PTPRT: variants seen among roughly 807,000 people sequenced by gnomAD.
PTPRT encodes receptor-type tyrosine-protein phosphatase T.
PTPRT carries 56 observed loss-of-function variants against 176.8 expected under a neutral mutation model. That is an observed-to-expected ratio of 0.32 (90% CI 0.26 to 0.40). PTPRT has a LOEUF of 0.40. PTPRT is among the 10% of genes least tolerant of loss of function. The pLI, the probability that PTPRT is intolerant of heterozygous loss-of-function variation, is 1.00. For missense variants in PTPRT, 1,540 were observed against 1,908.2 expected (o/e 0.81, Z 3.60); for synonymous variants, 783 against 739.0 (o/e 1.06, Z -0.96).
chr20:43,074,724 G>A (rs954192806), intron 1 of PTPRT, among the ~76,000 whole-genome samples: 2 of 152,192 alleles, frequency 1.3e-5, no homozygotes, highest in South Asian at 2.1e-4. Context: ...AAAAGAGAGA[G>A]TTGAACTAGA....
At chr20:42,729,084 A>T (rs1420627340) in intron 6 of PTPRT, among the ~76,000 whole-genome samples, 1 of 152,054 alleles carries the variant, frequency 6.6e-6, no homozygotes, top group Non-Finnish European at 1.5e-5. Context: ...AAAAAAAAGG[A>T]GCAAAACAAC....
the PTPRT span, among the ~76,000 whole-genome samples, chr20:42,043,086 C>A: frequency 2.6e-5 from 4 of 152,236 alleles, no homozygotes; most frequent in Non-Finnish European, 5.9e-5. Context: ...CCTGTTTGGC[C>A]AAATCCAGGC....
In PTPRT at chr20:42,077,787, G is replaced by C. The variant is rs1393002730; in HGVS notation, c.*3092C>G. On this transcript the variant is annotated 3_prime_UTR_variant, in exon 31 of 31. Transcript: ENST00000373187. ...CTGGGGGAAATCATCACTGGCCCTT[G>C]CTGGGTTACCCCAACATGGCCTGAG... The C allele has an allele frequency of 1.0e-5, 2 of 200,140 alleles. No individual in the cohort carries two copies. The highest frequency in any genetic ancestry group is 2.1e-5 in the Non-Finnish European group (2 of 97,268). The allele number at this position is 200,140 out of a possible 1,614,324, so 12.4% of individuals were successfully genotyped here. A position where few individuals can be genotyped will look rare whatever the true frequency, so the allele number is the denominator to read the frequency against.
chr20:42,646,470 C>T (rs1213310055), intron 7 of PTPRT, among the ~76,000 whole-genome samples: 1 of 152,078 alleles, frequency 6.6e-6, no homozygotes, highest in Non-Finnish European at 1.5e-5. Flanking sequence ...TTTACTCTGG[C>T]CCTTGATGGA....
At chr20:42,273,324 T>C (rs1292326348) in intron 13 of PTPRT, among the ~76,000 whole-genome samples, 1 of 152,206 alleles carries the variant, frequency 6.6e-6, no homozygotes, top group Non-Finnish European at 1.5e-5. Flanking sequence ...CAAGCGATTC[T>C]CCTGCCTCAA....
chr20:42,800,970 G>A (rs1342315366), intron 2 of PTPRT, among the ~76,000 whole-genome samples: 1 of 152,258 alleles, frequency 6.6e-6, no homozygotes, highest in East Asian at 1.9e-4. Flanking sequence ...TACCCAGTGA[G>A]TGGCAAGGTC....
chr20:42,724,387 G>C (rs1346192395), intron 6 of PTPRT, among the ~76,000 whole-genome samples: 2 of 152,152 alleles, frequency 1.3e-5, no homozygotes, highest in Admixed American at 6.5e-5. Flanking sequence ...GGTGGTCAGT[G>C]GGGCTCAGCC....
chr20:42,070,103 C>T (rs933953553), downstream of PTPRT, among the ~76,000 whole-genome samples: 37 of 152,114 alleles, frequency 2.4e-4, no homozygotes, highest in African/African-American at 8.7e-4. Flanking sequence ...TCACCAGCTG[C>T]TTCTGCTTCT....
At chr20:42,429,563 T>C (rs907749789) in intron 9 of PTPRT, among the ~76,000 whole-genome samples, 5 of 152,058 alleles carry the variant, frequency 3.3e-5, no homozygotes, top group South Asian at 2.1e-4. Flanking sequence ...CACAGTGATG[T>C]CTGAGACTCA....
chr20:42,124,256 C>A (rs1394176629), intron 19 of PTPRT, among the ~76,000 whole-genome samples: 2 of 152,228 alleles, frequency 1.3e-5, no homozygotes, highest in Non-Finnish European at 1.5e-5. Flanking sequence ...TAAGTCCCAC[C>A]TACACAGCAC....
intron 1 of PTPRT, among the ~76,000 whole-genome samples, chr20:43,179,146 GCAGGAT>G (rs2015188667): frequency 6.6e-6 from 1 of 152,150 alleles, no homozygotes. Flanking sequence ...TTCCTTCACT[GCAGGAT>G]CTCCTGGGGC....
intron 2 of PTPRT, among the ~76,000 whole-genome samples, chr20:42,851,684 T>G (rs577747759): frequency 6.6e-6 from 1 of 152,366 alleles, no homozygotes; most frequent in East Asian, 1.9e-4. Context: ...ACTTTTGGCT[T>G]TGCAACCATA....
Position 42,098,479 on chromosome 20 carries a change from A to C in PTPRT, c.3788T>G (p.Leu1263Arg). ...AGAGGAGCAGTTGTAATCGAACACC[A>C]GCCTCCAGAAGTCTGCCACGGTGTT... is the stretch of plus-strand genomic sequence containing the variant. ...LPNTVADFWR[L>R]VFDYNCSSVV... Residue 1263 changes from leucine to arginine, a missense_variant, in exon 27 of 31, where the codon CTG (leucine) becomes CGG (arginine). Transcript: ENST00000373187. The C allele has an allele frequency of 6.2e-7, 1 of 1,614,160 alleles. No homozygotes were observed. The highest frequency in any genetic ancestry group is 8.5e-7 in the Non-Finnish European group (1 of 1,180,020).
At chr20:42,784,906 T>C (rs1007681792) in intron 3 of PTPRT, among the ~76,000 whole-genome samples, 2 of 152,226 alleles carry the variant, frequency 1.3e-5, no homozygotes, top group African/African-American at 4.8e-5. Context: ...AGCTGTGATC[T>C]GAAGTACACG....
the PTPRT span, among the ~76,000 whole-genome samples, chr20:42,067,671 CAT>C: frequency 6.6e-6 from 1 of 152,300 alleles, no homozygotes; most frequent in South Asian, 2.1e-4. Flanking sequence ...TATCTTGACA[CAT>C]AGGATGAGCT....
chr20:42,861,203 T>C (rs554700932), intron 2 of PTPRT, among the ~76,000 whole-genome samples: 1 of 152,310 alleles, frequency 6.6e-6, no homozygotes, highest in African/African-American at 2.4e-5. Context: ...TTCCTACCAT[T>C]GCCCTTCAGA....
the PTPRT span, among the ~76,000 whole-genome samples, chr20:42,049,078 C>A: frequency 1.3e-5 from 2 of 152,172 alleles, no homozygotes; most frequent in African/African-American, 4.8e-5. Context: ...CATCAGCCTC[C>A]CAAAGTGCTG....
intron 6 of PTPRT, among the ~76,000 whole-genome samples, chr20:42,709,957 G>A (rs2076120001): frequency 2.0e-5 from 3 of 152,210 alleles, no homozygotes; most frequent in African/African-American, 7.2e-5. Context: ...AGAATCTGTG[G>A]AAGGTTGAAC....
intron 7 of PTPRT, among the ~76,000 whole-genome samples, chr20:42,515,546 T>C (rs941043291): frequency 6.6e-6 from 1 of 152,210 alleles, no homozygotes; most frequent in African/African-American, 2.4e-5. Context: ...TTTGCTATTA[T>C]ACTTATTATC....
Sources: gnomAD v4.1 joint callset for allele counts (sites outside exome capture counted in the v4.1 genomes callset) on GRCh38, gnomAD v4.1.1 for gene constraint, MANE v1.5 for transcripts, NCBI Gene and HGNC (gene_info 2026-07-23, HGNC 2026-07-21) for gene names.